OSBPL9: variants seen among roughly 807,000 people sequenced by gnomAD.
OSBPL9 encodes the protein oxysterol-binding protein-related protein 9.
Under a neutral mutation model 106.6 loss-of-function variants are expected in OSBPL9, and 40 were observed. The observed-to-expected ratio is 0.38, with a 90% CI of 0.29 to 0.49. The LOEUF is 0.49. OSBPL9 is among the 20% of genes least tolerant of loss of function. The pLI is 0.97. For missense variants in OSBPL9, 609 were observed against 887.2 expected, an observed-to-expected ratio of 0.69 and a Z score of 3.98; for synonymous variants, 269 against 295.4, an observed-to-expected ratio of 0.91 and a Z score of 0.92.
At chr1:51,562,134 C>T in the OSBPL9 span, 3 of 152,168 alleles carry the variant, frequency 2.0e-5, no homozygotes, top group Non-Finnish European at 2.9e-5. Flanking sequence ...TGTGTCCCCA[C>T]CCAAATCTCA....
intron 4 of OSBPL9, among the ~76,000 whole-genome samples, chr1:51,736,625 C>T (rs1235705506): frequency 1.3e-5 from 2 of 152,116 alleles, no homozygotes; most frequent in Non-Finnish European, 2.9e-5. Flanking sequence ...TACTAAAGTA[C>T]TCAGTTTAAG....
chr1:51,530,704 A>C, the OSBPL9 span, among the ~76,000 whole-genome samples: 4 of 148,170 alleles, frequency 2.7e-5, no homozygotes, highest in Admixed American at 6.7e-5. Flanking sequence ...CTGTAAAAAA[A>C]ATTAAAATTA....
At chr1:51,552,734 C>T in the OSBPL9 span, among the ~76,000 whole-genome samples, 1 of 152,008 alleles carries the variant, frequency 6.6e-6, no homozygotes, top group Non-Finnish European at 1.5e-5. Context: ...AAGTGATTCT[C>T]CTGTCTCAGC....
chr1:51,530,197 A>C, the OSBPL9 span, among the ~76,000 whole-genome samples: 61 of 140,080 alleles, frequency 4.4e-4, 1 homozygote, highest in South Asian at 6.9e-3. Context: ...AAAAAACAAA[A>C]AAAAAAAACC....
chr1:51,583,202 C>T (rs907042830), intron 1 of OSBPL9, among the ~76,000 whole-genome samples: 8 of 151,932 alleles, frequency 5.3e-5, no homozygotes, highest in South Asian at 2.1e-4. Flanking sequence ...GCCTCTATGC[C>T]GAGATAAGAT....
chr1:51,539,568 C>T, the OSBPL9 span, among the ~76,000 whole-genome samples: 55 of 152,234 alleles, frequency 3.6e-4, no homozygotes, highest in African/African-American at 1.2e-3. Flanking sequence ...TACGAACTTA[C>T]ATTTATTAGT....
upstream of OSBPL9, among the ~76,000 whole-genome samples, chr1:51,576,550 C>T (rs768767570): frequency 1.3e-4 from 20 of 151,890 alleles, no homozygotes; most frequent in Non-Finnish European, 2.2e-4. Context: ...TGTTTTGGGA[C>T]AGGGTCTTGC....
intron 1 of OSBPL9, among the ~76,000 whole-genome samples, chr1:51,640,162 A>G (rs548038085): frequency 3.9e-5 from 6 of 152,242 alleles, no homozygotes; most frequent in Non-Finnish European, 8.8e-5. Context: ...TTGTAGAATT[A>G]ATGTAAATGG....
chr1:51,551,763 TTG>T, the OSBPL9 span, among the ~76,000 whole-genome samples: 2 of 150,046 alleles, frequency 1.3e-5, no homozygotes, highest in Admixed American at 1.3e-4. Context: ...ATTTTTTTTT[TTG>T]TATTTTTCAT....
chr1:51,538,462 C>A, the OSBPL9 span, among the ~76,000 whole-genome samples: 1,754 of 148,898 alleles, frequency 0.012, 17 homozygotes, highest in Admixed American at 0.019. Flanking sequence ...TATTTAGATT[C>A]ATTTTTTTTC....
chr1:51,629,640 A>G (rs1206326623), intron 1 of OSBPL9, among the ~76,000 whole-genome samples: 1 of 152,114 alleles, frequency 6.6e-6, no homozygotes, highest in Non-Finnish European at 1.5e-5. Context: ...GATTCATAGG[A>G]GAAAAGGCAT....
At chr1:51,648,979 C>G (rs934644714) in intron 1 of OSBPL9, among the ~76,000 whole-genome samples, 6 of 152,114 alleles carry the variant, frequency 3.9e-5, no homozygotes, top group African/African-American at 1.4e-4. Flanking sequence ...CTATTGCCCT[C>G]TTTGTAAACC....
chr1:51,711,491 GGCGGCTGGCCGGGCGGGGGGCT>G (rs1659878576), intron 3 of OSBPL9, among the ~76,000 whole-genome samples: 1 of 139,522 alleles, frequency 7.2e-6, no homozygotes, highest in Non-Finnish European at 1.6e-5. Context: ...TCCCGGACGG[GGCGGCTGGCCGGGCGGGGGGCT>G]GACCCCCCAC....
chr1:51,616,051 G>A (rs1644050532), upstream of OSBPL9, among the ~76,000 whole-genome samples: 1 of 122,490 alleles, frequency 8.2e-6, no homozygotes, highest in African/African-American at 3.1e-5. Flanking sequence ...ATTTGGCTCT[G>A]TCACCCAGGC....
intron 2 of OSBPL9, among the ~76,000 whole-genome samples, chr1:51,658,111 GAA>G (rs1208373446): frequency 5.6e-5 from 6 of 107,968 alleles, no homozygotes; most frequent in African/African-American, 1.7e-4. Flanking sequence ...CTGTCTCAAA[GAA>G]AAAAAAAAAA....
intron 4 of OSBPL9, among the ~76,000 whole-genome samples, chr1:51,743,670 T>G (rs1025738471): frequency 6.6e-6 from 1 of 152,164 alleles, no homozygotes; most frequent in Non-Finnish European, 1.5e-5. Context: ...AACTGGGTCT[T>G]GATAGTTAAT....
intron 4 of OSBPL9, among the ~76,000 whole-genome samples, chr1:51,716,994 T>A (rs981927013): frequency 6.6e-6 from 1 of 152,138 alleles, no homozygotes; most frequent in African/African-American, 2.4e-5. Context: ...ATGTCCTTTT[T>A]TTTTTTGACA....
intron 3 of OSBPL9, among the ~76,000 whole-genome samples, chr1:51,687,862 G>A (rs985601006): frequency 6.6e-6 from 1 of 152,220 alleles, no homozygotes; most frequent in Non-Finnish European, 1.5e-5. Flanking sequence ...TTGTGGCTCA[G>A]AGGGAACACT....
chr1:51,789,182 AAC>A lies in OSBPL9; in HGVS notation c.*1395_*1396del. Reference sequence around the variant, plus strand: ...AGTATAACTAACTCCATAAAATACAAACAAACACATTTTAAAATACACATTGC... The same window carrying A: ...AGTATAACTAACTCCATAAAATACAAAAACACATTTTAAAATACACATTGC... On this transcript the variant is annotated 3_prime_UTR_variant, in exon 24 of 24. Transcript: ENST00000428468. The A allele has an allele frequency of 6.5e-7, 1 of 1,537,894 alleles. No homozygotes were observed.
Sources: gnomAD v4.1 joint callset for allele counts (sites outside exome capture counted in the v4.1 genomes callset) on GRCh38, gnomAD v4.1.1 for gene constraint, MANE v1.5 for transcripts, NCBI Gene and HGNC (gene_info 2026-07-23, HGNC 2026-07-21) for gene names.